Variants in ANKRD37 observed in about 807,000 individuals in gnomAD.
ANKRD37 encodes the protein ankyrin repeat domain 37.
Under a neutral mutation model 19.7 loss-of-function variants are expected in ANKRD37, and 17 were observed. The ratio of observed to expected loss-of-function variants is 0.86; its 90% CI spans 0.59 to 1.29. The LOEUF is 1.29. ANKRD37 is among the 50% of genes most tolerant of loss of function. The pLI is 0.00. For missense variants in ANKRD37, 207 were observed against 190.4 expected (o/e 1.09, Z -0.51); for synonymous variants, 79 against 74.5 (o/e 1.06, Z -0.31).
chr4:185,400,487 A>C, downstream of ANKRD37: 1 of 1,604,754 alleles, frequency 6.2e-7, no homozygotes, highest in South Asian at 1.1e-5. Context: ...CCCTGGATAG[A>C]GAAGACGGGA....
chr4:185,399,744 A>AGAAAAG lies in ANKRD37; in HGVS notation c.452_453insGGAAAA (p.Glu150_Asn151insLysGlu). 1 of 1,614,040 alleles carries AGAAAAG rather than the reference A, an allele frequency of 6.2e-7. No individual in the cohort carries two copies. ...GACAGAAACGGAGTCTCGGAAGTGT[A>AGAAAAG]GAAAATACCAGTGGGAAAAGGAAGT... On this transcript the variant is annotated inframe_insertion, in exon 4 of 5. Coordinates refer to ENST00000335174, the MANE Select transcript of ANKRD37 (RefSeq NM_181726.4).
At chr4:185,399,239 G>A (rs1228586833) in intron 3 of ANKRD37, among the ~76,000 whole-genome samples, 2 of 152,188 alleles carry the variant, frequency 1.3e-5, no homozygotes, top group African/African-American at 4.8e-5. Flanking sequence ...AATCAGAGGT[G>A]CAATTTTGTT....
At chr4:185,398,523 G>A (rs1216093661) in intron 2 of ANKRD37, among the ~76,000 whole-genome samples, 1 of 152,122 alleles carries the variant, frequency 6.6e-6, no homozygotes, top group African/African-American at 2.4e-5. Context: ...ATAAAGGAAT[G>A]ATCATTTCAG....
At position 185,397,276 on chromosome 4, in the gene ANKRD37, C is replaced by T. The variant is rs200768488; in HGVS notation, c.154C>T (p.Gln52Ter). ...GLACFLLWQL[Q>*]TGADLNQQDV... is the part of the protein sequence containing the mutation. Reference sequence around the variant, plus strand: ...TGCTTGCTTTCTTCTCTGGCAGCTGCAAACGGGCGCTGACCTCAACCAGCA... The same window carrying T: ...TGCTTGCTTTCTTCTCTGGCAGCTGTAAACGGGCGCTGACCTCAACCAGCA... Residue 52 changes from glutamine to a stop codon, truncating the protein, a stop_gained, in exon 2 of 5, where the codon CAA (glutamine) becomes TAA (stop). Transcript: ENST00000335174. LOFTEE classifies it high-confidence loss of function. 9 of 1,613,956 alleles carry T rather than the reference C, an allele frequency of 5.6e-6. No homozygotes were observed. In the East Asian group the frequency reaches 2.0e-4, roughly 36 times the overall value.
chr4:185,396,863 G>A lies in ANKRD37; in HGVS notation c.-61G>A. On this transcript the variant is annotated 5_prime_UTR_variant, in exon 1 of 5. Coordinates refer to ENST00000335174, the MANE Select transcript of ANKRD37 (RefSeq NM_181726.4). The stretch of plus-strand genomic sequence containing the variant: ...CCTGCGCATTCTTACCTGTCGGGGT[G>A]CGGCGAGTGTCTCACCTCTCTGCAC... The A allele has an allele frequency of 1.3e-6, 2 of 1,571,008 alleles. No individual in the cohort carries two copies. The highest frequency in any genetic ancestry group is 1.7e-6 in the Non-Finnish European group (2 of 1,145,304).
At position 185,400,094 on chromosome 4, in the gene ANKRD37, C is replaced by A; in HGVS notation, c.*77C>A. ...CTATAAGCTCCTGCTTTTGGCTTTA[C>A]CATATGTTGTGTCTAATCTCCTTCT... On this transcript the variant is annotated 3_prime_UTR_variant, in exon 5 of 5. Coordinates refer to ENST00000335174, the MANE Select transcript of ANKRD37 (RefSeq NM_181726.4). 1 of 1,354,754 alleles carries A rather than the reference C, an allele frequency of 7.4e-7. No homozygotes were observed. Among genetic ancestry groups the A allele is most frequent in the South Asian group, 1.3e-5 (1 of 78,586 alleles). 83.9% of individuals were successfully genotyped at this position (1,354,754 alleles called of 1,614,324 possible).
At chr4:185,399,840 T>C (rs2095511078) in intron 4 of ANKRD37, 67 bp downstream of exon 4, 3 of 1,596,056 alleles carry the variant, frequency 1.9e-6, no homozygotes, top group Non-Finnish European at 2.6e-6. Context: ...GCATTTATTA[T>C]TCCATTTAAT....
intron 2 of ANKRD37, among the ~76,000 whole-genome samples, chr4:185,397,939 A>C (rs1389255239): frequency 6.6e-6 from 1 of 152,204 alleles, no homozygotes; most frequent in African/African-American, 2.4e-5. Flanking sequence ...TTACATTTTA[A>C]TGTATGTGCA....
chr4:185,399,150 AT>A, intron 3 of ANKRD37, 122 bp downstream of exon 3: 2 of 842,324 alleles, frequency 2.4e-6, no homozygotes, highest in Non-Finnish European at 3.8e-6. Flanking sequence ...TTTAGTGTTA[AT>A]CATTTAAATG....
rs1370052565 is a variant in ANKRD37 at position 185,397,251 on chromosome 4, TG to T, written c.130del (p.Ala44LeufsTer20). On this transcript the variant is annotated frameshift_variant, in exon 2 of 5. Coordinates refer to ENST00000335174, the MANE Select transcript of ANKRD37 (RefSeq NM_181726.4). LOFTEE classifies it high-confidence loss of function. ...PVHLAAGSGLACFLLWQLQTG... is the reference protein window; with the variant it reads ...PVHLAAGSGLXCFLLWQLQTG... ...TCCACTTAGCCGCAGGAAGCGGCCT[TG>T]CTTGCTTTCTTCTCTGGCAGCTGCA... The T allele has an allele frequency of 1.2e-6, 2 of 1,614,022 alleles. No homozygotes were observed. The highest frequency in any genetic ancestry group is 2.7e-5 in the African/African-American group (2 of 74,944).
chr4:185,399,687 C>G lies in ANKRD37; in HGVS notation c.390C>G (p.His130Gln). The G allele has an allele frequency of 6.2e-7, 1 of 1,614,110 alleles. No homozygotes were observed. Among genetic ancestry groups the G allele is most frequent in the Non-Finnish European group, 8.5e-7 (1 of 1,180,032 alleles). ...KCMQTIKASE[H>Q]PDRNDCVAVL... ...TGCAGACAATAAAAGCAAGTGAACA[C>G]CCTGACAGGAATGATTGTGTTGCCG... The change falls in exon 4 of 5, where the codon CAC becomes CAG. Residue 130 changes from histidine to glutamine, a missense_variant. Transcript: ENST00000335174.
intron 1 of ANKRD37, 35 bp downstream of exon 1, chr4:185,396,985 C>T (rs745658221): frequency 5.1e-5 from 83 of 1,612,832 alleles, no homozygotes; most frequent in Non-Finnish European, 6.9e-5. Flanking sequence ...GAGCTTTTGT[C>T]CTGCAGGCTC....
chr4:185,397,146 G>C lies in ANKRD37; in HGVS notation c.28-4G>C, dbSNP rs1474000621. The C allele has an allele frequency of 6.2e-7, 1 of 1,613,254 alleles. No individual in the cohort carries two copies. The highest frequency in any genetic ancestry group is 1.7e-5 in the Admixed American group (1 of 60,014). On this transcript the variant is annotated splice_region_variant and splice_polypyrimidine_tract_variant and intron_variant, in intron 1 of 4. Transcript: ENST00000335174. Reference sequence around the variant, plus strand: ...AGGGTGCTGGATCTGTTCTCTTCCTGCAGGTGGATGGTCTGAAGCATTTGC... The same window carrying C: ...AGGGTGCTGGATCTGTTCTCTTCCTCCAGGTGGATGGTCTGAAGCATTTGC...
In ANKRD37 at chr4:185,400,173, TTTAC is replaced by T. The variant is rs2095511599; in HGVS notation, c.*157_*160del. ...GAAGATCCATTTAAGAACACATGTA[TTTAC>T]ATGCCTATAATATGCTGGTTGTGTA... On this transcript the variant is annotated 3_prime_UTR_variant, in exon 5 of 5. Coordinates refer to ENST00000335174, the MANE Select transcript of ANKRD37 (RefSeq NM_181726.4). 1.3e-6 allele frequency: 1 copy of T among 749,296 alleles called. No individual in the cohort carries two copies. The highest frequency in any genetic ancestry group is 1.9e-5 in the South Asian group (1 of 53,212). 46.4% of individuals were successfully genotyped at this position (749,296 alleles called of 1,614,324 possible).
At chr4:185,400,365 T>C (rs749795266), downstream of ANKRD37, 17 of 1,504,978 alleles carry the variant, frequency 1.1e-5, no homozygotes, top group Non-Finnish European at 1.6e-5. Flanking sequence ...AATACCACTC[T>C]ACTGCAGTCT....
rs760468797 is a variant in ANKRD37, at chr4:185,396,889, T to C, written c.-35T>C. 6.2e-7 allele frequency: 1 copy of C among 1,612,218 alleles called. No individual in the cohort carries two copies. Among genetic ancestry groups the C allele is most frequent in the Non-Finnish European group, 8.5e-7 (1 of 1,179,714 alleles). ...CGGCGAGTGTCTCACCTCTCTGCAC[T>C]TCCAAGGACTCTTGTCATCTGCCTT... On this transcript the variant is annotated 5_prime_UTR_variant, in exon 1 of 5. Transcript: ENST00000335174.
At chr4:185,397,820 T>G (rs2095507188) in intron 2 of ANKRD37, 1 of 152,454 alleles carries the variant, frequency 6.6e-6, no homozygotes, top group Non-Finnish European at 1.5e-5. Flanking sequence ...TCCACAAGCA[T>G]TCTAATTTCC....
chr4:185,398,072 C>G (rs2126869733), intron 2 of ANKRD37, among the ~76,000 whole-genome samples: 1 of 152,336 alleles, frequency 6.6e-6, no homozygotes, highest in East Asian at 1.9e-4. Context: ...ATTCTCCTGC[C>G]TCAGCCTCCC....
Position 185,400,070 on chromosome 4 carries a change from T to A in ANKRD37, c.*53T>A. 1 of 1,480,408 alleles carries A rather than the reference T, an allele frequency of 6.8e-7. No homozygotes were observed. Among genetic ancestry groups the A allele is most frequent in the Non-Finnish European group, 9.3e-7 (1 of 1,072,732 alleles). The allele number at this position is 1,480,408 out of a possible 1,614,324, so 91.7% of individuals were successfully genotyped here. A position where few individuals can be genotyped will look rare whatever the true frequency, so the allele number is the denominator to read the frequency against. On this transcript the variant is annotated 3_prime_UTR_variant, in exon 5 of 5. Coordinates refer to ENST00000335174, the MANE Select transcript of ANKRD37 (RefSeq NM_181726.4). ...AGAACGCCTTCATTTCATGCAAATCTATAAGCTCCTGCTTTTGGCTTTACC... is the reference window on the plus strand; with the variant it reads ...AGAACGCCTTCATTTCATGCAAATCAATAAGCTCCTGCTTTTGGCTTTACC...
Sources: gnomAD v4.1 joint callset for allele counts (sites outside exome capture counted in the v4.1 genomes callset) on GRCh38, gnomAD v4.1.1 for gene constraint, MANE v1.5 for transcripts, NCBI Gene and HGNC (gene_info 2026-07-23, HGNC 2026-07-21) for gene names.